The following MX1 variants were observed in gnomAD, a reference collection of about 807,000 sequenced individuals.
The protein encoded by MX1 is interferon-induced GTP-binding protein Mx1.
MX1 carries 66 observed loss-of-function variants against 66.4 expected under a neutral mutation model. The observed-to-expected ratio is 0.99, with a 90% confidence interval of 0.82 to 1.22. MX1 has a LOEUF of 1.22. MX1 is among the 50% of genes most tolerant of loss of function. The pLI, the probability that MX1 is intolerant of heterozygous loss-of-function variation, is 0.00. For missense variants in MX1, 787 were observed against 834.3 expected, an observed-to-expected ratio of 0.94 and a Z score of 0.70; for synonymous variants, 311 against 318.1, an observed-to-expected ratio of 0.98 and a Z score of 0.24.
chr21:41,441,000 G>T lies in MX1; in HGVS notation c.705G>T (p.Val235=), dbSNP rs746499187. Residue 235 remains valine (V), a synonymous_variant, in exon 9 of 17, where the codon GTG becomes GTT. Transcript: ENST00000398598. ...TTEALSMAQE[V]DPEGDRTIGI... ...AGGCTCTCAGCATGGCCCAGGAGGT[G>T]GACCCCGAGGGAGACAGGACCATCG... 15 of 1,613,970 alleles carry T rather than the reference G, an allele frequency of 9.3e-6. No individual in the cohort carries two copies. In the Admixed American group the frequency reaches 1.7e-4, roughly 18 times the overall value.
intron 5 of MX1, among the ~76,000 whole-genome samples, chr21:41,432,762 T>C (rs1329411581): frequency 6.6e-6 from 1 of 152,204 alleles, no homozygotes; most frequent in East Asian, 1.9e-4. Flanking sequence ...GAGAGCAAAG[T>C]GCAGGGAGTG....
At chr21:41,451,281 AAAG>A in intron 15 of MX1, 38 bp downstream of exon 15, 1 of 1,309,200 alleles carries the variant, frequency 7.6e-7, no homozygotes, top group Non-Finnish European at 1.1e-6. Context: ...AAAAAAAAGA[AAAG>A]AAATTAAGCT....
At chr21:41,447,002 G>A (rs1054206335) in intron 13 of MX1, among the ~76,000 whole-genome samples, 5 of 152,194 alleles carry the variant, frequency 3.3e-5, no homozygotes, top group Admixed American at 3.3e-4. Flanking sequence ...ATCCACTGAT[G>A]AATTGATAAA....
intron 13 of MX1, among the ~76,000 whole-genome samples, chr21:41,447,982 G>A (rs2090712301): frequency 6.6e-6 from 1 of 152,238 alleles, no homozygotes; most frequent in Admixed American, 6.5e-5. Context: ...ACTGGCCTCA[G>A]CCTCCCAGAG....
chr21:41,420,578 A>G (rs370866917), exon 1 of MX1: 1 of 151,970 alleles, frequency 6.6e-6, no homozygotes, highest in East Asian at 2.0e-4. Context: ...TGAAACCGAA[A>G]CTGAATTGTC....
rs1254838824 is a variant in MX1 at position 41,444,294 on chromosome 21, ATTTTC to A, written c.1008+447_1008+451del. On this transcript the variant is annotated intron_variant, in intron 11 of 16. Coordinates refer to ENST00000398598, the MANE Select transcript of MX1 (RefSeq NM_002462.5). ...TGAATATAGTGTCTTCCTTTTTCAAATTTTCTTTTCTTTTCTTTTCTTTCTTTTTT... is the reference window on the plus strand; with the variant it reads ...TGAATATAGTGTCTTCCTTTTTCAAATTTTCTTTTCTTTTCTTTCTTTTTT... Among the ~76,000 whole-genome samples, 966 of 114,088 alleles carry A rather than the reference ATTTTC, an allele frequency of 8.5e-3. 22 individuals are homozygous for A. Among genetic ancestry groups the A allele is most frequent in the African/African-American group, 0.03 (912 of 29,952 alleles). The allele number at this position is 114,088 out of a possible 152,430, so 74.8% of individuals were successfully genotyped here.
At chr21:41,422,424 T>G (rs1219289884), upstream of MX1, among the ~76,000 whole-genome samples, 1 of 152,046 alleles carries the variant, frequency 6.6e-6, no homozygotes, top group Non-Finnish European at 1.5e-5. Flanking sequence ...CTCTGTGGAG[T>G]AGCCATTCTC....
At chr21:41,439,989 G>T in intron 8 of MX1, 141 bp downstream of exon 8, 1 of 869,770 alleles carries the variant, frequency 1.1e-6, no homozygotes, top group Admixed American at 2.9e-5. Flanking sequence ...AGGTGTGAGT[G>T]GGGAATTTAG....
At chr21:41,438,662 G>A (rs978041818) in intron 7 of MX1, among the ~76,000 whole-genome samples, 4 of 152,218 alleles carry the variant, frequency 2.6e-5, no homozygotes, top group African/African-American at 9.7e-5. Flanking sequence ...CTCTCTCCAT[G>A]GAAGTGACGA....
intron 11 of MX1, among the ~76,000 whole-genome samples, chr21:41,444,193 G>T (rs1638369): frequency 0.49 from 74,951 of 151,722 alleles, 19,526 homozygotes; most frequent in Non-Finnish European, 0.59. Flanking sequence ...TAATGTCTTA[G>T]TCATTCTAAT....
rs1035628952 is a variant in MX1 at position 41,459,130 on chromosome 21, T to C, written c.*372T>C. On this transcript the variant is annotated 3_prime_UTR_variant, in exon 17 of 17. Transcript: ENST00000398598. ...TTATAATGTCCCTTCACAAACCCAG[T>C]GTTTTAGGAGCATGAGTGCCGTGTG... is the stretch of plus-strand genomic sequence containing the variant. The C allele has an allele frequency of 4.1e-5, 12 of 290,450 alleles. No individual in the cohort carries two copies. The highest frequency in any genetic ancestry group is 5.8e-5 in the Non-Finnish European group (9 of 154,256). 18.0% of individuals were successfully genotyped at this position (290,450 alleles called of 1,614,324 possible).
At chr21:41,435,180 C>T (rs1034903086) in intron 5 of MX1, among the ~76,000 whole-genome samples, 6 of 152,208 alleles carry the variant, frequency 3.9e-5, no homozygotes, top group Non-Finnish European at 7.3e-5. Flanking sequence ...TCTCTGGCTG[C>T]TCCTAACATT....
Position 41,458,866 on chromosome 21 carries a change from G to A in MX1, c.*108G>A, listed in dbSNP as rs2230456. On this transcript the variant is annotated 3_prime_UTR_variant, in exon 17 of 17. Coordinates refer to ENST00000398598, the MANE Select transcript of MX1 (RefSeq NM_002462.5). ...GCTCAGTAGTCAGACTGGATAGTCC[G>A]TCTCTGCTTATCCGTTAGCCGTGGT... The A allele has an allele frequency of 5.9e-3, 8,647 of 1,466,920 alleles. 377 individuals carry two copies. The African/African-American group carries it at 0.097, about 16-fold the overall frequency. 90.9% of individuals were successfully genotyped at this position (1,466,920 alleles called of 1,614,324 possible). A position where few individuals can be genotyped will look rare whatever the true frequency, so the allele number is the denominator to read the frequency against.
At chr21:41,458,403 G>C in intron 16 of MX1, 125 bp from the exon 17 acceptor site, 1 of 1,170,420 alleles carries the variant, frequency 8.5e-7, no homozygotes, top group Non-Finnish European at 1.2e-6. Context: ...CCCAGGGGAA[G>C]GTCATTGCCC....
chr21:41,438,453 G>T (rs1042294506), intron 7 of MX1, among the ~76,000 whole-genome samples: 2 of 152,192 alleles, frequency 1.3e-5, no homozygotes, highest in African/African-American at 4.8e-5. Flanking sequence ...GAGTGACCGG[G>T]CCTTCTGTCT....
rs755234602 is a variant in MX1 at position 41,441,850 on chromosome 21, C to G, written c.865C>G (p.Gln289Glu). 23 of 1,614,150 alleles carry G rather than the reference C, an allele frequency of 1.4e-5. No individual in the cohort carries two copies. The highest frequency in any genetic ancestry group is 6.6e-5 in the South Asian group (6 of 91,064). Reference protein sequence around the residue: ...KCRGQQEIQDQLSLSEALQRE... With the variant: ...KCRGQQEIQDELSLSEALQRE... ...CCGGGGCCAGCAGGAGATCCAGGAC[C>G]AGCTGAGCCTGTCCGAAGCCCTGCA... The change falls in exon 10 of 17, where the codon CAG becomes GAG. Residue 289 changes from glutamine to glutamate, a missense_variant. Transcript: ENST00000398598. The surrounding 1 kb of genome is among the most constrained non-coding windows in gnomAD (Gnocchi z 4.0).
upstream of MX1, chr21:41,421,432 G>C (rs1357665326): frequency 6.5e-6 from 1 of 153,890 alleles, no homozygotes; most frequent in African/African-American, 2.4e-5. Flanking sequence ...GTGTCGGACT[G>C]GGGGACGGTC....
chr21:41,433,159 C>T (rs2090268836), intron 5 of MX1, among the ~76,000 whole-genome samples: 3 of 152,200 alleles, frequency 2.0e-5, no homozygotes, highest in Admixed American at 2.0e-4. Flanking sequence ...AAGTGTGGCC[C>T]CCAGCCCAGC....
At position 41,452,645 on chromosome 21, in the gene MX1, G is replaced by C; in HGVS notation, c.1534G>C (p.Glu512Gln). Reference protein sequence around the residue: ...AKSKIEDIRAEQEREGEKLIR... With the variant: ...AKSKIEDIRAQQEREGEKLIR... The stretch of plus-strand genomic sequence containing the variant: ...GTCCAAAATTGAAGACATTAGAGCA[G>C]AACAAGAGAGAGAAGGTGAGAAGCT... The change falls in exon 16 of 17, where the codon GAA becomes CAA. Residue 512 changes from glutamate to glutamine, a missense_variant. Glu to Gln is a conservative substitution (Grantham distance 29, BLOSUM62 2). Transcript: ENST00000398598. 3 of 1,614,050 alleles carry C rather than the reference G, an allele frequency of 1.9e-6. No individual in the cohort carries two copies. Among genetic ancestry groups the C allele is most frequent in the Non-Finnish European group, 2.5e-6 (3 of 1,180,016 alleles).
Sources: allele counts gnomAD v4.1 joint callset (sites outside exome capture counted in the v4.1 genomes callset), GRCh38; gene constraint gnomAD v4.1.1; non-coding constraint Gnocchi (gnomAD v3.1); transcripts MANE v1.5; gene names NCBI Gene and HGNC (gene_info 2026-07-23, HGNC 2026-07-21).